The following ARHGEF38 variants were observed in gnomAD, a reference collection of about 807,000 sequenced individuals.
ARHGEF38 encodes Rho guanine nucleotide exchange factor (GEF) 38.
Under a neutral mutation model 79.9 loss-of-function variants are expected in ARHGEF38, and 79 were observed. That is an observed-to-expected ratio of 0.99 (90% CI 0.82 to 1.19). The LOEUF (loss-of-function observed/expected upper bound fraction) is 1.19. ARHGEF38 is among the 50% of genes most tolerant of loss of function. The pLI is 0.00. For synonymous variants in ARHGEF38, 366 were observed against 328.3 expected (o/e 1.11, Z -1.24); for missense variants, 962 against 907.2 (o/e 1.06, Z -0.78).
Position 105,680,151 on chromosome 4 carries a change from G to T in ARHGEF38, c.*2214G>T. The T allele has an allele frequency of 1.6e-6, 1 of 631,488 alleles. No homozygotes were observed. Among genetic ancestry groups the T allele is most frequent in the Non-Finnish European group, 3.0e-6 (1 of 337,432 alleles). The allele number at this position is 631,488 out of a possible 1,614,324, so 39.1% of individuals were successfully genotyped here. On this transcript the variant is annotated 3_prime_UTR_variant, in exon 14 of 14. Coordinates refer to ENST00000420470, the MANE Select transcript of ARHGEF38 (RefSeq NM_001242729.2). ...ATTGAGGACCTCACATGGAGGGACT[G>T]GAATTTAAAACCAGGTCTTCTGACT...
intron 2 of ARHGEF38, among the ~76,000 whole-genome samples, chr4:105,593,817 G>T (rs1376673658): frequency 6.6e-6 from 1 of 151,858 alleles, no homozygotes; most frequent in Non-Finnish European, 1.5e-5. Flanking sequence ...ACTCTTATAA[G>T]CAGTTCTCAG....
chr4:105,648,511 C>G lies in ARHGEF38; in HGVS notation c.875-38C>G, dbSNP rs1441352832. The G allele has an allele frequency of 3.4e-6, 5 of 1,453,478 alleles. 1 individual carries two copies. In the South Asian group the frequency reaches 5.8e-5, roughly 17 times the overall value. The allele number at this position is 1,453,478 out of a possible 1,614,324, so 90.0% of individuals were successfully genotyped here. ...GGTGAAGTGCACACTTTCTATGCTG[C>G]ATGTGTTCAGCTACGTTATTACATT... On this transcript the variant is annotated intron_variant, in intron 6 of 13. Transcript: ENST00000420470.
chr4:105,651,238 G>A (rs1730090989), intron 7 of ARHGEF38, among the ~76,000 whole-genome samples: 1 of 152,198 alleles, frequency 6.6e-6, no homozygotes, highest in Non-Finnish European at 1.5e-5. Flanking sequence ...CTTTTGAGAG[G>A]ATGTCCTGTC....
Position 105,677,258 on chromosome 4 carries a change from C to T in ARHGEF38, c.2149-494C>T, listed in dbSNP as rs371895895. Among the ~76,000 whole-genome samples, 329 of 152,262 alleles carry T rather than the reference C, an allele frequency of 2.2e-3. 18 individuals carry two copies. The South Asian group carries it at 0.066, about 31-fold the overall frequency. ...GATTACAGGCGTGAGCCACCGCGCCCGGCCTGCACCGTTTTTAATGACTAC... is the reference window on the plus strand; with the variant it reads ...GATTACAGGCGTGAGCCACCGCGCCTGGCCTGCACCGTTTTTAATGACTAC... On this transcript the variant is annotated intron_variant, in intron 13 of 13. Coordinates refer to ENST00000420470, the MANE Select transcript of ARHGEF38 (RefSeq NM_001242729.2).
chr4:105,608,146 A>G (rs1008056998), intron 2 of ARHGEF38, among the ~76,000 whole-genome samples: 6 of 152,040 alleles, frequency 3.9e-5, no homozygotes, highest in East Asian at 1.9e-4. Flanking sequence ...CCTCCATACT[A>G]TTTTCCATAA....
rs1276828178 is a variant in ARHGEF38 at position 105,680,773 on chromosome 4, C to G, written c.*2836C>G. ...AGTGAAAGATAAATTACCTCCTAAACTAAAGTCCCCTCTGAGGTACAACAG... is the reference window on the plus strand; with the variant it reads ...AGTGAAAGATAAATTACCTCCTAAAGTAAAGTCCCCTCTGAGGTACAACAG... On this transcript the variant is annotated 3_prime_UTR_variant, in exon 14 of 14. Coordinates refer to ENST00000420470, the MANE Select transcript of ARHGEF38 (RefSeq NM_001242729.2). The G allele has an allele frequency of 8.5e-6, 1 of 118,196 alleles. No homozygotes were observed. Among genetic ancestry groups the G allele is most frequent in the Non-Finnish European group, 1.7e-5 (1 of 57,386 alleles). 7.3% of individuals were successfully genotyped at this position (118,196 alleles called of 1,614,324 possible).
chr4:105,565,252 A>C (rs1043369277), intron 1 of ARHGEF38, among the ~76,000 whole-genome samples: 1 of 152,038 alleles, frequency 6.6e-6, no homozygotes, highest in African/African-American at 2.4e-5. Context: ...GTTCCTCCAC[A>C]TTTTCACTTA....
chr4:105,590,074 A>AAGGAAG (rs1727255275), intron 2 of ARHGEF38, among the ~76,000 whole-genome samples: 1 of 109,488 alleles, frequency 9.1e-6, no homozygotes, highest in Non-Finnish European at 1.8e-5. Context: ...AAAGAAAGAA[A>AAGGAAG]GAAGGAAGGA....
chr4:105,626,311 T>G (rs1042127931), intron 3 of ARHGEF38, among the ~76,000 whole-genome samples: 2 of 152,198 alleles, frequency 1.3e-5, no homozygotes, highest in Non-Finnish European at 1.5e-5. Flanking sequence ...GTCCATTTTT[T>G]TCCTTTCCTC....
intron 2 of ARHGEF38, among the ~76,000 whole-genome samples, chr4:105,605,610 T>G (rs1728005360): frequency 6.6e-6 from 1 of 152,182 alleles, no homozygotes; most frequent in Admixed American, 6.6e-5. Context: ...TTTGACTCAA[T>G]TAGCCAGTTT....
chr4:105,574,720 TA>T lies in ARHGEF38; in HGVS notation c.197-14521del, dbSNP rs539798562. The stretch of plus-strand genomic sequence containing the variant: ...TCTTTCTATCCCTTGTTTGTTGGAT[TA>T]AAAAAATTTTTTATTTCTATAGCTT... On this transcript the variant is annotated intron_variant, in intron 1 of 13. Transcript: ENST00000420470. Among the ~76,000 whole-genome samples the T allele has an allele frequency of 2.3e-3, 343 of 152,238 alleles. 1 individual carries two copies. Among genetic ancestry groups the T allele is most frequent in the African/African-American group, 7.7e-3 (319 of 41,544 alleles).
At chr4:105,602,543 G>C (rs1288407046) in intron 2 of ARHGEF38, among the ~76,000 whole-genome samples, 1 of 152,128 alleles carries the variant, frequency 6.6e-6, no homozygotes, top group Non-Finnish European at 1.5e-5. Context: ...AAGGCTAATT[G>C]AATGTTGGAG....
intron 1 of ARHGEF38, among the ~76,000 whole-genome samples, chr4:105,580,578 G>T (rs965269416): frequency 3.4e-5 from 5 of 148,990 alleles, no homozygotes; most frequent in Non-Finnish European, 7.4e-5. Context: ...TGGTCTGAGA[G>T]AGTGGTTGGC....
At chr4:105,629,128 A>G (rs1447152824) in intron 3 of ARHGEF38, among the ~76,000 whole-genome samples, 1 of 152,216 alleles carries the variant, frequency 6.6e-6, no homozygotes, top group Non-Finnish European at 1.5e-5. Flanking sequence ...AAAAGCTACT[A>G]AAATTTTAAA....
At chr4:105,654,428 CATGGACT>C (rs1201125008) in intron 8 of ARHGEF38, among the ~76,000 whole-genome samples, 1 of 152,212 alleles carries the variant, frequency 6.6e-6, no homozygotes, top group Non-Finnish European at 1.5e-5. Context: ...ATGATTGCTT[CATGGACT>C]ATCAGCATGC....
intron 1 of ARHGEF38, among the ~76,000 whole-genome samples, chr4:105,581,797 A>G (rs1385296282): frequency 6.6e-6 from 1 of 152,100 alleles, no homozygotes; most frequent in African/African-American, 2.4e-5. Flanking sequence ...GGATATAATT[A>G]TGCTATCAAT....
intron 8 of ARHGEF38, 24 bp from the exon 9 acceptor site, chr4:105,655,579 T>C: frequency 6.5e-7 from 1 of 1,532,800 alleles, no homozygotes. Context: ...TTGCCTTTTT[T>C]GTAACTTTGT....
At chr4:105,563,131 C>T (rs913981799) in intron 1 of ARHGEF38, among the ~76,000 whole-genome samples, 3 of 152,134 alleles carry the variant, frequency 2.0e-5, no homozygotes, top group African/African-American at 7.2e-5. Context: ...TAATTTATCC[C>T]TTCCTTTAAG....
At chr4:105,585,726 CTTTTTT>C (rs3056719) in intron 1 of ARHGEF38, among the ~76,000 whole-genome samples, 6 of 71,508 alleles carry the variant, frequency 8.4e-5, no homozygotes, top group African/African-American at 2.3e-4. Context: ...CCCTCCGTTG[CTTTTTT>C]TTTTTTTTTT....
Sources: gnomAD v4.1 joint callset for allele counts (sites outside exome capture counted in the v4.1 genomes callset) on GRCh38, gnomAD v4.1.1 for gene constraint, MANE v1.5 for transcripts, NCBI Gene and HGNC (gene_info 2026-07-23, HGNC 2026-07-21) for gene names.